Variants in CDH18 observed in about 807,000 individuals in gnomAD.
CDH18 encodes cadherin 18.
CDH18 carries 31 observed loss-of-function variants against 67.9 expected under a neutral mutation model. The ratio of observed to expected loss-of-function variants is 0.46; its 90% CI spans 0.34 to 0.62. CDH18 has a LOEUF of 0.62. CDH18 is among the 20% of genes least tolerant of loss of function. CDH18 has a pLI of 0.01. For synonymous variants in CDH18, 362 were observed against 347.2 expected (o/e 1.04, Z -0.48); for missense variants, 890 against 975.5 (o/e 0.91, Z 1.17).
intron 6 of CDH18, among the ~76,000 whole-genome samples, chr5:19,599,024 A>C (rs1487960737): frequency 6.6e-6 from 1 of 152,190 alleles, no homozygotes; most frequent in Non-Finnish European, 1.5e-5. Context: ...TATCACTAAA[A>C]TAATTTTTTT....
At chr5:20,079,010 T>C (rs1349561593) in intron 2 of CDH18, among the ~76,000 whole-genome samples, 1 of 152,246 alleles carries the variant, frequency 6.6e-6, no homozygotes, top group Admixed American at 6.5e-5. Flanking sequence ...CATTGCAGAA[T>C]GACCAAATCA....
At chr5:19,499,489 A>G (rs926861858) in intron 11 of CDH18, among the ~76,000 whole-genome samples, 1 of 152,080 alleles carries the variant, frequency 6.6e-6, no homozygotes, top group Admixed American at 6.6e-5. Context: ...ATTTCTACAT[A>G]TCTCTATGTG....
intron 2 of CDH18, among the ~76,000 whole-genome samples, chr5:20,099,915 C>G (rs1318677149): frequency 2.0e-5 from 3 of 152,074 alleles, no homozygotes; most frequent in Non-Finnish European, 2.9e-5. Context: ...TCCCAAGTAG[C>G]TGGGATTATA....
intron 3 of CDH18, among the ~76,000 whole-genome samples, chr5:19,787,926 A>G (rs1775984896): frequency 6.6e-6 from 1 of 151,978 alleles, no homozygotes; most frequent in South Asian, 2.1e-4. Flanking sequence ...GATAAGTAAT[A>G]TTTATTTTTA....
rs189439541 is a variant in CDH18, at chr5:20,304,670, G to T, written c.-579-49165C>A. 588 of 1,611,572 alleles carry T rather than the reference G, an allele frequency of 3.6e-4. 2 individuals carry two copies. The African/African-American group carries it at 6.9e-3, about 19-fold the overall frequency. On this transcript the variant is annotated intron_variant, in intron 1 of 14. Transcript: ENST00000507958. ...GCACTTGTCGCTCCTAGTGATGATG[G>T]GTCCGTTTTCTTTTCAGATGTCAGC...
intron 1 of CDH18, among the ~76,000 whole-genome samples, chr5:20,399,517 G>A (rs1219174231): frequency 1.3e-5 from 2 of 152,160 alleles, no homozygotes; most frequent in African/African-American, 4.8e-5. Context: ...ATTATGTGAT[G>A]TGAGAAAAAC....
At chr5:20,424,452 A>G (rs1748123198) in intron 1 of CDH18, among the ~76,000 whole-genome samples, 1 of 150,482 alleles carries the variant, frequency 6.6e-6, no homozygotes, top group South Asian at 2.1e-4. Context: ...ATTCTGTTTC[A>G]TCAAAATGAG....
chr5:20,498,883 T>C (rs1272993588), intron 1 of CDH18, among the ~76,000 whole-genome samples: 1 of 152,130 alleles, frequency 6.6e-6, no homozygotes, highest in Non-Finnish European at 1.5e-5. Context: ...CATATTTCTA[T>C]GCTTAAAATG....
chr5:20,138,106 C>G (rs528332573), intron 2 of CDH18, among the ~76,000 whole-genome samples: 1 of 152,138 alleles, frequency 6.6e-6, no homozygotes, highest in South Asian at 2.1e-4. Context: ...CATCAAAAAG[C>G]TTATCCACCA....
chr5:20,120,836 G>A (rs1335135890), intron 2 of CDH18, among the ~76,000 whole-genome samples: 2 of 152,046 alleles, frequency 1.3e-5, no homozygotes, highest in Admixed American at 6.6e-5. Context: ...GGTTTCCCTT[G>A]GATTTCAACA....
chr5:19,998,903 A>G (rs1323050413), intron 2 of CDH18, among the ~76,000 whole-genome samples: 1 of 152,170 alleles, frequency 6.6e-6, no homozygotes, highest in Non-Finnish European at 1.5e-5. Context: ...GCAAAAGAAG[A>G]CAGCCTGGCA....
At chr5:19,523,989 A>C (rs2126927534) in intron 9 of CDH18, among the ~76,000 whole-genome samples, 1 of 152,222 alleles carries the variant, frequency 6.6e-6, no homozygotes, top group South Asian at 2.1e-4. Flanking sequence ...AGAAGACTGC[A>C]TTCAAGTATT....
intron 1 of CDH18, among the ~76,000 whole-genome samples, chr5:20,334,131 C>CTTTTTTTTTTTTTTTT (rs34609844): frequency 4.9e-5 from 4 of 81,654 alleles, no homozygotes; most frequent in Non-Finnish European, 6.8e-5. Context: ...GACTTGAATT[C>CTTTTTTTTTTTTTTTT]TTTTTTTTTT....
At chr5:20,531,579 T>C (rs1473083522) in intron 1 of CDH18, among the ~76,000 whole-genome samples, 1 of 151,858 alleles carries the variant, frequency 6.6e-6, no homozygotes, top group Non-Finnish European at 1.5e-5. Flanking sequence ...TGAGATTATG[T>C]CCTTTTCAAG....
At chr5:19,874,435 T>A (rs1159261579) in intron 2 of CDH18, among the ~76,000 whole-genome samples, 2 of 152,222 alleles carry the variant, frequency 1.3e-5, no homozygotes, top group Non-Finnish European at 2.9e-5. Context: ...AAGCATTTTA[T>A]ATGTTTCTAT....
intron 1 of CDH18, among the ~76,000 whole-genome samples, chr5:20,403,002 C>T (rs191431732): frequency 7.3e-6 from 1 of 136,358 alleles, no homozygotes; most frequent in Non-Finnish European, 1.6e-5. Flanking sequence ...GGCCAACATG[C>T]CATGTCTACT....
chr5:19,510,042 C>T (rs978539668), intron 10 of CDH18, among the ~76,000 whole-genome samples: 8 of 152,076 alleles, frequency 5.3e-5, no homozygotes, highest in South Asian at 4.1e-4. Flanking sequence ...CATGCTGATA[C>T]GTTTAGATGT....
intron 3 of CDH18, among the ~76,000 whole-genome samples, chr5:19,811,162 G>GAAAGAA (rs776657119): frequency 1.2e-3 from 8 of 6,802 alleles, no homozygotes; most frequent in Admixed American, 6.6e-3. Context: ...AAGAAAGAAG[G>GAAAGAA]AGAGAAAGAA....
chr5:19,532,901 A>G (rs928459660), intron 9 of CDH18, among the ~76,000 whole-genome samples: 4 of 152,224 alleles, frequency 2.6e-5, no homozygotes, highest in Admixed American at 2.0e-4. Context: ...TTCCAAAGAT[A>G]GATAAGACAT....
Sources: allele counts gnomAD v4.1 joint callset (sites outside exome capture counted in the v4.1 genomes callset), GRCh38; gene constraint gnomAD v4.1.1; transcripts MANE v1.5; gene names NCBI Gene and HGNC (gene_info 2026-07-23, HGNC 2026-07-21).